The following ZNF233 variants were observed in gnomAD, a reference collection of about 807,000 sequenced individuals.
ZNF233 encodes zinc finger protein 233.
In ZNF233, 7 loss-of-function variants were observed where a neutral mutation model predicts 11.6. The ratio of observed to expected loss-of-function variants is 0.60; its 90% CI spans 0.34 to 1.13. ZNF233 has a LOEUF of 1.13. ZNF233 is among the 50% of genes most tolerant of loss of function. The probability of loss-of-function intolerance (pLI) is 0.03; values close to 1 mark genes in which losing one functional copy is unlikely to be tolerated. For synonymous variants in ZNF233, 226 were observed against 268.5 expected (o/e 0.84, Z 1.55); for missense variants, 711 against 785.5 (o/e 0.91, Z 1.13).
intron 4 of ZNF233, among the ~76,000 whole-genome samples, chr19:44,270,346 T>TG (rs780657744): frequency 1.4e-5 from 1 of 72,730 alleles, no homozygotes; most frequent in Non-Finnish European, 2.5e-5. Flanking sequence ...CCATCTATAC[T>TG]AAAAAAAAAA....
Position 44,274,073 on chromosome 19 carries a change from G to A in ZNF233, c.1413G>A (p.Gln471=), listed in dbSNP as rs765181652. Residue 471 remains glutamine (Q), a synonymous_variant, in exon 5 of 5, where the codon CAG becomes CAA. Transcript: ENST00000683810. The part of the protein sequence containing the change: ...FSKASNLQAH[Q]RIHTGEKPYK... Reference sequence around the variant, plus strand: ...AGGCCTCAAATCTTCAAGCCCATCAGAGAATCCACACTGGAGAGAAACCCT... The same window carrying A: ...AGGCCTCAAATCTTCAAGCCCATCAAAGAATCCACACTGGAGAGAAACCCT... 1 of 1,598,018 alleles carries A rather than the reference G, an allele frequency of 6.3e-7. No homozygotes were observed. Among genetic ancestry groups the A allele is most frequent in the Non-Finnish European group, 8.5e-7 (1 of 1,179,478 alleles).
In ZNF233 at chr19:44,267,223, C is replaced by T. The variant is rs763029522; in HGVS notation, c.238+262C>T. 1.3e-3 allele frequency: 551 copies of T among 430,606 alleles called. 7 individuals carry two copies. Among genetic ancestry groups the T allele is most frequent in the Middle Eastern group, 5.8e-4 (1 of 1,716 alleles). The allele number at this position is 430,606 out of a possible 1,614,324, so 26.7% of individuals were successfully genotyped here. ...TCACTCATTAATTCCAAAATCTCTA[C>T]GAGCCTTCAGGGTCCTATGTGACCT... On this transcript the variant is annotated intron_variant, in intron 4 of 4. Coordinates refer to ENST00000683810, the MANE Select transcript of ZNF233 (RefSeq NM_001207005.2).
chr19:44,272,907 A>G lies in ZNF233; in HGVS notation c.247A>G (p.Asn83Asp). The change falls in exon 5 of 5, where the codon AAT (asparagine) becomes GAT (aspartate). Residue 83 changes from asparagine to aspartate, a missense_variant. Coordinates refer to ENST00000683810, the MANE Select transcript of ZNF233 (RefSeq NM_001207005.2). The part of the protein sequence containing the change: ...IQGDGCSGHK[N>D]QNEIDTLQEV... ...TCTCTTTATCATTCTAGGACACAAG[A>G]ATCAAAATGAGATAGATACCCTTCA... 1 of 1,564,640 alleles carries G rather than the reference A, an allele frequency of 6.4e-7. No individual in the cohort carries two copies. Among genetic ancestry groups the G allele is most frequent in the Non-Finnish European group, 8.6e-7 (1 of 1,160,648 alleles).
intron 1 of ZNF233, among the ~76,000 whole-genome samples, chr19:44,263,125 G>A (rs1180319768): frequency 6.6e-6 from 1 of 152,122 alleles, no homozygotes; most frequent in African/African-American, 2.4e-5. Context: ...ATGTGCCACA[G>A]ACAGAACCAA....
intron 4 of ZNF233, 64 bp from the exon 5 acceptor site, chr19:44,272,835 T>C (rs1207949305): frequency 9.1e-6 from 11 of 1,212,026 alleles, no homozygotes; most frequent in African/African-American, 1.5e-5. Flanking sequence ...GAAATGTTTT[T>C]TTATTTCTGA....
At position 44,273,688 on chromosome 19, in the gene ZNF233, G is replaced by C. The variant is rs2123070114; in HGVS notation, c.1028G>C (p.Arg343Thr). 1 of 1,613,952 alleles carries C rather than the reference G, an allele frequency of 6.2e-7. No homozygotes were observed. Among genetic ancestry groups the C allele is most frequent in the East Asian group, 2.2e-5 (1 of 44,844 alleles). Residue 343 changes from arginine (R) to threonine (T), a missense_variant, in exon 5 of 5, where the codon AGA becomes ACA. Coordinates refer to ENST00000683810, the MANE Select transcript of ZNF233 (RefSeq NM_001207005.2). Reference protein sequence around the residue: ...QRVSTGENLYRCQVYARSSNQ... With the variant: ...QRVSTGENLYTCQVYARSSNQ... ...GTCAGCACAGGAGAGAACCTCTACA[G>C]ATGTCAGGTATATGCCCGGAGCTCC... is the stretch of plus-strand genomic sequence containing the variant.
intron 4 of ZNF233, chr19:44,267,885 C>G (rs1975135304): frequency 6.6e-6 from 1 of 152,362 alleles, no homozygotes; most frequent in Non-Finnish European, 1.5e-5. Context: ...TCTTGGCTCA[C>G]TGCAACCTCT....
intron 3 of ZNF233, 29 bp downstream of exon 3, chr19:44,266,353 T>G: frequency 1.3e-6 from 2 of 1,567,032 alleles, no homozygotes; most frequent in Non-Finnish European, 1.7e-6. Context: ...TGTAACTGAA[T>G]ATCAGCCCTC....
intron 1 of ZNF233, among the ~76,000 whole-genome samples, chr19:44,263,165 A>G (rs1015308607): frequency 8.5e-5 from 13 of 152,234 alleles, no homozygotes; most frequent in Non-Finnish European, 1.9e-4. Context: ...AAATTGAGTC[A>G]TAATTCATAT....
intron 2 of ZNF233, among the ~76,000 whole-genome samples, chr19:44,265,688 G>A (rs976009503): frequency 6.6e-6 from 1 of 152,172 alleles, no homozygotes; most frequent in African/African-American, 2.4e-5. Context: ...CCAAAGTGCT[G>A]GGATTACAGG....
At chr19:44,261,389 C>T (rs1027800431) in intron 1 of ZNF233, among the ~76,000 whole-genome samples, 1 of 152,046 alleles carries the variant, frequency 6.6e-6, no homozygotes, top group Non-Finnish European at 1.5e-5. Context: ...GATCATCCCA[C>T]TGCACTCCAG....
chr19:44,268,147 A>AATACATACATACATACATAC (rs10542946), intron 4 of ZNF233: 22 of 150,084 alleles, frequency 1.5e-4, no homozygotes, highest in African/African-American at 4.7e-4. Flanking sequence ...CTGTCTCAAA[A>AATACATACATACATACATAC]ATACATACAT....
At chr19:44,270,122 C>T (rs1236193525) in intron 4 of ZNF233, among the ~76,000 whole-genome samples, 3 of 152,114 alleles carry the variant, frequency 2.0e-5, no homozygotes, top group African/African-American at 4.8e-5. Context: ...TATTTCAGAA[C>T]ATAGTTACTC....
At chr19:44,265,392 C>T (rs1461261179) in intron 2 of ZNF233, among the ~76,000 whole-genome samples, 4 of 150,980 alleles carry the variant, frequency 2.6e-5, no homozygotes, top group South Asian at 2.1e-4. Context: ...CACACACACA[C>T]ACACACACAC....
At chr19:44,268,327 T>C (rs1975148848) in intron 4 of ZNF233, 1 of 152,152 alleles carries the variant, frequency 6.6e-6, no homozygotes, top group African/African-American at 2.4e-5. Flanking sequence ...AACGTAAGAA[T>C]TTTACCTGTT....
At chr19:44,265,362 TATATACACACACACAC>T (rs1411141092) in intron 2 of ZNF233, among the ~76,000 whole-genome samples, 18 of 87,642 alleles carry the variant, frequency 2.1e-4, no homozygotes, top group African/African-American at 5.3e-4. Context: ...CCATCATATA[TATATACACACACACAC>T]ACACACACAC....
At chr19:44,262,763 T>C (rs1157896694) in intron 1 of ZNF233, among the ~76,000 whole-genome samples, 3 of 152,164 alleles carry the variant, frequency 2.0e-5, no homozygotes, top group Admixed American at 2.0e-4. Context: ...TGTCCTCACT[T>C]TATGGGTGAG....
At chr19:44,270,670 C>T (rs999059379) in intron 4 of ZNF233, among the ~76,000 whole-genome samples, 5 of 152,154 alleles carry the variant, frequency 3.3e-5, no homozygotes, top group Admixed American at 6.5e-5. Context: ...ACGGAGCTGC[C>T]GTCCCCGGAA....
Position 44,273,917 on chromosome 19 carries a change from T to TC in ZNF233, c.1258dup (p.His420ProfsTer3), listed in dbSNP as rs1975317574. ...CACAACTTCAAGCCCATCAGAGAGG[T>TC]CACTCTAGAGACAAGACATACAAAT... On this transcript the variant is annotated frameshift_variant, in exon 5 of 5. Transcript: ENST00000683810. LOFTEE classifies it low-confidence loss of function (END_TRUNC). 3.1e-6 allele frequency: 5 copies of TC among 1,610,070 alleles called. No individual in the cohort carries two copies. The highest frequency in any genetic ancestry group is 4.2e-6 in the Non-Finnish European group (5 of 1,178,774).
Sources: allele counts gnomAD v4.1 joint callset (sites outside exome capture counted in the v4.1 genomes callset), GRCh38; gene constraint gnomAD v4.1.1; transcripts MANE v1.5; gene names NCBI Gene and HGNC (gene_info 2026-07-23, HGNC 2026-07-21).